The following SLC33A1 variants were observed in gnomAD, a reference collection of about 807,000 sequenced individuals.
SLC33A1 encodes the protein solute carrier family 33 member 1, also known as acetyl-coenzyme A transporter 1.
SLC33A1 carries 20 observed loss-of-function variants against 50.0 expected under a neutral mutation model. The ratio of observed to expected loss-of-function variants is 0.40; its 90% CI spans 0.28 to 0.58. The LOEUF (loss-of-function observed/expected upper bound fraction) is 0.58, where lower values mean the gene tolerates loss of function less well. Among genes scored for constraint, SLC33A1 ranks in the 20% least tolerant of loss-of-function variants. SLC33A1 has a pLI of 0.44. For synonymous variants in SLC33A1, 265 were observed against 251.8 expected (o/e 1.05, Z -0.50); for missense variants, 476 against 657.0 (o/e 0.72, Z 3.01).
chr3:155,836,062 A>C (rs1752645345), intron 2 of SLC33A1, among the ~76,000 whole-genome samples: 1 of 151,630 alleles, frequency 6.6e-6, no homozygotes, highest in Non-Finnish European at 1.5e-5. Flanking sequence ...AGGTGGGTGG[A>C]TCACGAGGTC....
At chr3:155,852,599 C>G (rs1753442317) in intron 1 of SLC33A1, among the ~76,000 whole-genome samples, 1 of 152,142 alleles carries the variant, frequency 6.6e-6, no homozygotes, top group Non-Finnish European at 1.5e-5. Context: ...ATTTCCTGGC[C>G]TCGTGGAATC....
intron 2 of SLC33A1, among the ~76,000 whole-genome samples, chr3:155,836,366 A>G (rs1752680777): frequency 1.3e-5 from 2 of 150,788 alleles, no homozygotes; most frequent in Non-Finnish European, 3.0e-5. Flanking sequence ...ATACACGGTA[A>G]CTTCTTGGAA....
intron 4 of SLC33A1, among the ~76,000 whole-genome samples, chr3:155,831,168 T>C (rs1485853617): frequency 1.3e-5 from 2 of 152,080 alleles, no homozygotes; most frequent in African/African-American, 2.4e-5. Context: ...TTAATATTTG[T>C]TGAAGAAGCT....
At chr3:155,833,366 T>C (rs945658748) in intron 4 of SLC33A1, 102 bp downstream of exon 4, 51 of 777,598 alleles carry the variant, frequency 6.6e-5, no homozygotes, top group Non-Finnish European at 1.2e-4. Flanking sequence ...GTCAGATTCA[T>C]GCTTAAAATT....
chr3:155,853,489 T>C lies in SLC33A1; in HGVS notation c.509A>G (p.Asp170Gly). The C allele has an allele frequency of 6.2e-7, 1 of 1,614,076 alleles. No homozygotes were observed. The highest frequency in any genetic ancestry group is 1.1e-5 in the South Asian group (1 of 91,082). Residue 170 changes from aspartate to glycine, a missense_variant, in exon 1 of 6, where the codon GAT becomes GGT. Coordinates refer to ENST00000643144, the MANE Select transcript of SLC33A1 (RefSeq NM_004733.4). ...AGCAATCACGTCGGGTGTTCTGTCA[T>C]CGGTATTCCCAAGCAAACGGTCCAC... ...TQVDRLLGNT[D>G]DRTPDVIALT... is the part of the protein sequence containing the mutation.
At chr3:155,831,457 CAAAAA>C (rs397991448) in intron 4 of SLC33A1, among the ~76,000 whole-genome samples, 1,232 of 46,384 alleles carry the variant, frequency 0.027, 4 homozygotes, top group African/African-American at 0.061. Flanking sequence ...GACTCTGTCT[CAAAAA>C]AAAAAAAAAA....
intron 4 of SLC33A1, among the ~76,000 whole-genome samples, chr3:155,831,585 T>C (rs1453744175): frequency 6.7e-6 from 1 of 148,324 alleles, no homozygotes; most frequent in Non-Finnish European, 1.5e-5. Context: ...TTTTCCCCCA[T>C]AAAGCATCTG....
intron 1 of SLC33A1, among the ~76,000 whole-genome samples, chr3:155,847,837 T>C (rs1011467023): frequency 2.0e-5 from 3 of 152,202 alleles, no homozygotes; most frequent in African/African-American, 7.2e-5. Flanking sequence ...TTGGTTAGAT[T>C]CATACTTATA....
Position 155,829,730 on chromosome 3 carries a change from T to C in SLC33A1, c.1440A>G (p.Val480=). 1 of 1,614,118 alleles carries C rather than the reference T, an allele frequency of 6.2e-7. No individual in the cohort carries two copies. The highest frequency in any genetic ancestry group is 8.5e-7 in the Non-Finnish European group (1 of 1,179,992). The stretch of plus-strand genomic sequence containing the variant: ...TTCGACAATTCTGGTTTGATGCTCC[T>C]ACACACTCTTTTACTGTGAGGGGAT... ...LVDPLTVKEC[V]GASNQNCRTP... The change falls in exon 5 of 6, where the codon GTA becomes GTG. Residue 480 remains valine (V), a synonymous_variant. Transcript: ENST00000643144.
At chr3:155,846,538 C>G (rs1222838268) in intron 1 of SLC33A1, among the ~76,000 whole-genome samples, 1 of 151,592 alleles carries the variant, frequency 6.6e-6, no homozygotes, top group Non-Finnish European at 1.5e-5. Context: ...ACCGCAACCT[C>G]CACCTCCCAG....
intron 4 of SLC33A1, among the ~76,000 whole-genome samples, chr3:155,833,255 A>AAAAT (rs1173591667): frequency 2.6e-5 from 4 of 152,178 alleles, no homozygotes; most frequent in South Asian, 2.1e-4. Context: ...TCTTGGGAAA[A>AAAAT]AAATAAATAA....
In SLC33A1 at chr3:155,828,369, T is replaced by C; in HGVS notation, c.1491A>G (p.Lys497=). 1 of 1,599,370 alleles carries C rather than the reference T, an allele frequency of 6.3e-7. No individual in the cohort carries two copies. Among genetic ancestry groups the C allele is most frequent in the East Asian group, 2.2e-5 (1 of 44,746 alleles). ...CTGTAACACATGAGCCACCCAGTTT[T>C]TTGCAAAGCTGTAAAAATAAAACTA... is the stretch of plus-strand genomic sequence containing the variant. ...CRTPDAVELC[K]KLGGSCVTAL... The change falls in exon 6 of 6, where the codon AAA becomes AAG. Residue 497 remains lysine, a synonymous_variant. Transcript: ENST00000643144.
chr3:155,850,228 T>C (rs542046853), intron 1 of SLC33A1, among the ~76,000 whole-genome samples: 2 of 152,078 alleles, frequency 1.3e-5, no homozygotes, highest in South Asian at 4.2e-4. Context: ...AGGATGGTCT[T>C]GATCTCCTGA....
rs1753045557 is a variant in SLC33A1 at position 155,844,394 on chromosome 3, C to A, written c.776-1775G>T. On this transcript the variant is annotated intron_variant, in intron 1 of 5. Coordinates refer to ENST00000643144, the MANE Select transcript of SLC33A1 (RefSeq NM_004733.4). ...ACCTCCTGAAGTTGAGTCTTACATT[C>A]TTTTCATAATTTTACACTGCCTACA... Among the ~76,000 whole-genome samples, 3 of 125,022 alleles carry A rather than the reference C, an allele frequency of 2.4e-5. No homozygotes were observed. The South Asian group carries it at 8.4e-4, about 35-fold the overall frequency. 82.0% of individuals were successfully genotyped at this position (125,022 alleles called of 152,430 possible).
intron 2 of SLC33A1, among the ~76,000 whole-genome samples, chr3:155,841,817 G>A (rs1002922648): frequency 7.9e-5 from 12 of 151,618 alleles, no homozygotes; most frequent in African/African-American, 1.9e-4. Context: ...GTGCTATCTC[G>A]GCTCACTGCA....
intron 2 of SLC33A1, among the ~76,000 whole-genome samples, chr3:155,835,687 T>C (rs1271746064): frequency 6.6e-6 from 1 of 152,192 alleles, no homozygotes; most frequent in Non-Finnish European, 1.5e-5. Context: ...CAGAAATTCA[T>C]GCCCTATATA....
chr3:155,844,108 G>A (rs757090893), intron 1 of SLC33A1, among the ~76,000 whole-genome samples: 22 of 152,108 alleles, frequency 1.4e-4, no homozygotes, highest in Non-Finnish European at 2.4e-4. Flanking sequence ...TCTTGCTGCT[G>A]TGCTCACTGA....
At position 155,853,528 on chromosome 3, in the gene SLC33A1, T is replaced by C. The variant is rs375098848; in HGVS notation, c.470A>G (p.Tyr157Cys). ...TQYILGLFMI[Y>C]LSTQVDRLLG... ...CAAACGGTCCACCTGAGTGGATAAA[T>C]AGATCATGAAGAGTCCTAGTATATA... is the stretch of plus-strand genomic sequence containing the variant. The change falls in exon 1 of 6, where the codon TAT becomes TGT. Residue 157 changes from tyrosine (Y) to cysteine (C), a missense_variant. Coordinates refer to ENST00000643144, the MANE Select transcript of SLC33A1 (RefSeq NM_004733.4). The C allele has an allele frequency of 5.6e-6, 9 of 1,614,014 alleles. No individual in the cohort carries two copies. Among genetic ancestry groups the C allele is most frequent in the South Asian group, 2.2e-5 (2 of 91,088 alleles).
At chr3:155,832,593 C>T (rs374371933) in intron 4 of SLC33A1, among the ~76,000 whole-genome samples, 1 of 151,188 alleles carries the variant, frequency 6.6e-6, no homozygotes, top group African/African-American at 2.4e-5. Context: ...TTTGGGAGGC[C>T]GAGGTGGGCG....
Sources: allele counts gnomAD v4.1 joint callset (sites outside exome capture counted in the v4.1 genomes callset), GRCh38; gene constraint gnomAD v4.1.1; transcripts MANE v1.5; gene names NCBI Gene and HGNC (gene_info 2026-07-23, HGNC 2026-07-21).